SGCZ: variants seen among roughly 807,000 people sequenced by gnomAD.
The protein encoded by SGCZ is sarcoglycan zeta.
In SGCZ, 40 loss-of-function variants were observed where a neutral mutation model predicts 41.3. That is an observed-to-expected ratio of 0.97 (90% CI 0.75 to 1.26). SGCZ has a LOEUF of 1.26. Ranked by LOEUF, SGCZ falls within the 50% of genes most tolerant of loss-of-function variation. The pLI is 0.00. For missense variants in SGCZ, 552 were observed against 369.8 expected (o/e 1.49, Z -4.04); for synonymous variants, 206 against 137.5 (o/e 1.50, Z -3.49).
intron 2 of SGCZ, among the ~76,000 whole-genome samples, chr8:14,338,953 T>C (rs1445620528): frequency 2.0e-5 from 3 of 152,194 alleles, no homozygotes; most frequent in Non-Finnish European, 4.4e-5. Context: ...TGCACAGACA[T>C]TGTTAAGGCA....
At chr8:15,170,870 G>T (rs750243816) in intron 1 of SGCZ, among the ~76,000 whole-genome samples, 16 of 152,112 alleles carry the variant, frequency 1.1e-4, no homozygotes, top group Admixed American at 2.6e-4. Context: ...TCTATGATTC[G>T]TTTAATGCAA....
chr8:14,847,096 A>AAAGAAGAAAGAAGAAAGAAGAAG, intron 1 of SGCZ, among the ~76,000 whole-genome samples: 1 of 148,238 alleles, frequency 6.7e-6, no homozygotes, highest in Non-Finnish European at 1.5e-5. Context: ...GAAGAAGAAG[A>AAAGAAGAAAGAAGAAAGAAGAAG]AAGAAGAAAG....
intron 4 of SGCZ, among the ~76,000 whole-genome samples, chr8:14,179,891 C>A (rs34678271): frequency 0.33 from 50,211 of 152,040 alleles, 10,726 homozygotes; most frequent in Non-Finnish European, 0.49. Context: ...GAAAAAAAAT[C>A]ATCACTGGAC....
At chr8:14,503,593 C>G (rs933935980) in intron 2 of SGCZ, among the ~76,000 whole-genome samples, 1 of 151,968 alleles carries the variant, frequency 6.6e-6, no homozygotes, top group African/African-American at 2.4e-5. Flanking sequence ...CATGCTAAGT[C>G]CCAATCTCTA....
At chr8:14,843,883 G>T (rs1191730759) in intron 1 of SGCZ, among the ~76,000 whole-genome samples, 1 of 151,726 alleles carries the variant, frequency 6.6e-6, no homozygotes, top group East Asian at 1.9e-4. Context: ...TCAAGAGAAG[G>T]CCACCCAAAT....
At chr8:15,015,562 C>A (rs1802994275) in intron 1 of SGCZ, among the ~76,000 whole-genome samples, 1 of 151,362 alleles carries the variant, frequency 6.6e-6, no homozygotes. Context: ...TGGCAGGCAC[C>A]TGTAGTCCCA....
intron 1 of SGCZ, among the ~76,000 whole-genome samples, chr8:14,604,997 T>G (rs189893104): frequency 6.6e-6 from 1 of 152,338 alleles, no homozygotes; most frequent in Non-Finnish European, 1.5e-5. Flanking sequence ...TACTGTCTGC[T>G]TTTACATTCA....
chr8:14,460,547 A>G (rs1267133074), intron 2 of SGCZ, among the ~76,000 whole-genome samples: 1 of 152,166 alleles, frequency 6.6e-6, no homozygotes, highest in Non-Finnish European at 1.5e-5. Context: ...AGGGTCAGGC[A>G]TGCAAATAGC....
intron 1 of SGCZ, among the ~76,000 whole-genome samples, chr8:14,975,557 C>A (rs1015297929): frequency 2.6e-5 from 4 of 152,014 alleles, no homozygotes. Flanking sequence ...ATTGTTTTCA[C>A]TGGATTGTAT....
At chr8:15,092,435 G>A (rs910118917) in intron 1 of SGCZ, among the ~76,000 whole-genome samples, 53 of 152,104 alleles carry the variant, frequency 3.5e-4, no homozygotes, top group African/African-American at 1.2e-3. Flanking sequence ...TGTATTTATA[G>A]TAATTTGGAA....
At chr8:14,787,925 T>A (rs1800822209) in intron 1 of SGCZ, among the ~76,000 whole-genome samples, 1 of 152,198 alleles carries the variant, frequency 6.6e-6, no homozygotes, top group South Asian at 2.1e-4. Flanking sequence ...TAACTATGAT[T>A]GAGGCCTGTT....
At chr8:14,854,825 C>T (rs535289393) in intron 1 of SGCZ, among the ~76,000 whole-genome samples, 15 of 151,950 alleles carry the variant, frequency 9.9e-5, no homozygotes, top group African/African-American at 2.7e-4. Context: ...CATATAAACC[C>T]GGCAGAGAGT....
intron 4 of SGCZ, among the ~76,000 whole-genome samples, chr8:14,182,346 G>T (rs1428973747): frequency 1.3e-5 from 2 of 152,132 alleles, no homozygotes; most frequent in African/African-American, 4.8e-5. Context: ...GAGAGCATCT[G>T]AGAACCAACC....
chr8:14,224,764 C>A (rs920437893), intron 4 of SGCZ, among the ~76,000 whole-genome samples: 1 of 152,118 alleles, frequency 6.6e-6, no homozygotes, highest in African/African-American at 2.4e-5. Context: ...CATTTAAGAT[C>A]ATATTCATCA....
chr8:14,165,992 C>G (rs1466863400), intron 4 of SGCZ, among the ~76,000 whole-genome samples: 1 of 152,074 alleles, frequency 6.6e-6, no homozygotes. Flanking sequence ...GAGGAGCATT[C>G]ATCAAGAGAA....
At chr8:15,193,819 A>C (rs1030615264) in intron 1 of SGCZ, among the ~76,000 whole-genome samples, 8 of 152,170 alleles carry the variant, frequency 5.3e-5, no homozygotes, top group Admixed American at 5.2e-4. Flanking sequence ...ATTTAGCCAA[A>C]GCAGAGAATC....
rs569196419 is a variant in SGCZ at position 15,237,331 on chromosome 8, G to C, written c.39+254C>G. Reference sequence around the variant, plus strand: ...TGCCGTCACGGACCAGGAGGAGGACGGGGTGGCCGCTGGCGGGAGGAGCAG... The same window carrying C: ...TGCCGTCACGGACCAGGAGGAGGACCGGGTGGCCGCTGGCGGGAGGAGCAG... On this transcript the variant is annotated intron_variant, in intron 1 of 7. Transcript: ENST00000382080. Among the ~76,000 whole-genome samples the C allele has an allele frequency of 3.7e-3, 559 of 152,302 alleles. 2 individuals carry two copies. Among genetic ancestry groups the C allele is most frequent in the African/African-American group, 0.012 (519 of 41,590 alleles).
At chr8:14,281,592 A>C (rs1800442275) in intron 3 of SGCZ, among the ~76,000 whole-genome samples, 1 of 152,042 alleles carries the variant, frequency 6.6e-6, no homozygotes, top group African/African-American at 2.4e-5. Flanking sequence ...CTAGTGATAA[A>C]ATCTAAACTA....
At chr8:14,824,047 A>G (rs1206357367) in intron 1 of SGCZ, among the ~76,000 whole-genome samples, 2 of 152,084 alleles carry the variant, frequency 1.3e-5, no homozygotes, top group Non-Finnish European at 2.9e-5. Context: ...AAGGTAGAGG[A>G]TATCATAGAA....
Sources: allele counts gnomAD v4.1 joint callset (sites outside exome capture counted in the v4.1 genomes callset), GRCh38; gene constraint gnomAD v4.1.1; transcripts MANE v1.5; gene names NCBI Gene and HGNC (gene_info 2026-07-23, HGNC 2026-07-21).